Variants in ANXA8 observed in about 807,000 individuals in gnomAD.
ANXA8 encodes annexin A8.
Under a neutral mutation model 26.8 loss-of-function variants are expected in ANXA8, and 9 were observed. That is an observed-to-expected ratio of 0.34 (90% CI 0.20 to 0.59). The LOEUF (loss-of-function observed/expected upper bound fraction) is 0.59. Ranked by LOEUF, ANXA8 falls within the 20% of genes least tolerant of loss-of-function variation. The pLI is 0.84. For synonymous variants in ANXA8, 39 were observed against 94.8 expected, an observed-to-expected ratio of 0.41 and a Z score of 3.42; for missense variants, 83 against 238.5, an observed-to-expected ratio of 0.35 and a Z score of 4.29.
At chr10:47,673,267 A>G in the ANXA8 span, among the ~76,000 whole-genome samples, 4 of 151,572 alleles carry the variant, frequency 2.6e-5, no homozygotes, top group East Asian at 1.9e-4. Context: ...AGGCATTTGG[A>G]ACCTCTCCCA....
chr10:47,688,701 G>A, the ANXA8 span, among the ~76,000 whole-genome samples: 11 of 151,588 alleles, frequency 7.3e-5, no homozygotes, highest in South Asian at 4.2e-4. Context: ...GATTACAGGC[G>A]TGAACCACTG....
chr10:47,580,235 A>G, the ANXA8 span, among the ~76,000 whole-genome samples: 1 of 152,244 alleles, frequency 6.6e-6, no homozygotes, highest in Admixed American at 6.5e-5. Context: ...CCCACCTTCA[A>G]CAGTAAATAG....
the ANXA8 span, among the ~76,000 whole-genome samples, chr10:47,560,031 T>G: frequency 1.3e-5 from 2 of 150,818 alleles, no homozygotes; most frequent in African/African-American, 4.9e-5. Flanking sequence ...CTGGGTTCCA[T>G]CCAGCGGAAC....
At chr10:47,881,807 TTG>T in the ANXA8 span, among the ~76,000 whole-genome samples, 2 of 103,568 alleles carry the variant, frequency 1.9e-5, no homozygotes, top group Non-Finnish European at 4.1e-5. Context: ...GTATGAGTAT[TTG>T]TGTGTATGTG....
the ANXA8 span, among the ~76,000 whole-genome samples, chr10:47,955,553 T>C: frequency 6.7e-6 from 1 of 149,916 alleles, no homozygotes; most frequent in Non-Finnish European, 1.5e-5. Context: ...TGTAACATGG[T>C]AATATTTGTA....
the ANXA8 span, among the ~76,000 whole-genome samples, chr10:47,942,090 A>G: frequency 6.8e-6 from 1 of 147,574 alleles, no homozygotes; most frequent in African/African-American, 2.6e-5. Flanking sequence ...ATGCACTTAT[A>G]CATTCACAGA....
the ANXA8 span, among the ~76,000 whole-genome samples, chr10:47,599,433 T>C: frequency 1.3e-5 from 2 of 148,768 alleles, no homozygotes; most frequent in African/African-American, 5.2e-5. Flanking sequence ...TCTTTTTTTT[T>C]TCTCTTTTGC....
At chr10:47,889,075 A>G in the ANXA8 span, among the ~76,000 whole-genome samples, 3 of 72,178 alleles carry the variant, frequency 4.2e-5, no homozygotes, top group African/African-American at 1.8e-4. Context: ...TGTACATGGT[A>G]TGTGATAGGA....
At chr10:47,724,120 T>C in the ANXA8 span, among the ~76,000 whole-genome samples, 41 of 135,388 alleles carry the variant, frequency 3.0e-4, no homozygotes, top group African/African-American at 9.8e-4. Context: ...TTTCTCATTA[T>C]GTACCATATC....
the ANXA8 span, among the ~76,000 whole-genome samples, chr10:47,685,112 T>C: frequency 2.0e-5 from 3 of 149,720 alleles, no homozygotes; most frequent in African/African-American, 7.4e-5. Context: ...TTTGGGAGGC[T>C]GAGGCGGGCG....
the ANXA8 span, among the ~76,000 whole-genome samples, chr10:47,676,615 A>AC: frequency 1.3e-5 from 2 of 151,716 alleles, no homozygotes; most frequent in African/African-American, 4.9e-5. Context: ...AAGTAGTGAG[A>AC]CCCCATCTCT....
At chr10:47,977,298 A>T in the ANXA8 span, among the ~76,000 whole-genome samples, 10 of 149,044 alleles carry the variant, frequency 6.7e-5, no homozygotes, top group African/African-American at 2.4e-4. Context: ...CATCGGCAAC[A>T]ACAACAAACA....
the ANXA8 span, chr10:47,690,012 A>T: frequency 6.7e-7 from 1 of 1,482,074 alleles, no homozygotes. Context: ...CACAGAATAT[A>T]GAATCCCAGA....
At chr10:47,563,484 A>G in the ANXA8 span, 6 of 600,498 alleles carry the variant, frequency 1.0e-5, no homozygotes, top group Admixed American at 1.5e-4. Context: ...TGGGTATAAA[A>G]TGTAAAAAGT....
the ANXA8 span, among the ~76,000 whole-genome samples, chr10:47,746,808 C>CA: frequency 4.3e-5 from 4 of 92,292 alleles, no homozygotes; most frequent in African/African-American, 8.0e-5. Flanking sequence ...ACCATTATAG[C>CA]AAAAAAATTG....
the ANXA8 span, among the ~76,000 whole-genome samples, chr10:47,942,214 G>A: frequency 1.1e-4 from 16 of 146,380 alleles, 1 homozygote; most frequent in Non-Finnish European, 2.2e-4. Context: ...TGAAAAGCCT[G>A]TCCAGGAAGC....
At chr10:47,559,387 C>T in the ANXA8 span, among the ~76,000 whole-genome samples, 2 of 151,664 alleles carry the variant, frequency 1.3e-5, no homozygotes, top group Non-Finnish European at 2.9e-5. Context: ...CTCGGCCTCC[C>T]AAAGTGCTGG....
chr10:47,485,515 C>G (rs1334580988), upstream of ANXA8, among the ~76,000 whole-genome samples: 1 of 152,098 alleles, frequency 6.6e-6, no homozygotes, highest in African/African-American at 2.4e-5. Context: ...TGTTCACAAA[C>G]TGTGAGTCCA....
the ANXA8 span, among the ~76,000 whole-genome samples, chr10:47,959,814 T>C: frequency 6.6e-6 from 1 of 150,584 alleles, no homozygotes; most frequent in Non-Finnish European, 1.5e-5. Context: ...CTCTGACCCA[T>C]AGAGTGAGGC....
Sources: gnomAD v4.1 joint callset for allele counts (sites outside exome capture counted in the v4.1 genomes callset) on GRCh38, gnomAD v4.1.1 for gene constraint, MANE v1.5 for transcripts, NCBI Gene and HGNC (gene_info 2026-07-23, HGNC 2026-07-21) for gene names.